The following SGCD variants were observed in gnomAD, a reference collection of about 807,000 sequenced individuals.
SGCD encodes the protein sarcoglycan delta, also known as delta-sarcoglycan.
In SGCD, 18 loss-of-function variants were observed where a neutral mutation model predicts 36.6. The observed-to-expected ratio is 0.49, with a 90% confidence interval of 0.34 to 0.73. The LOEUF is 0.73. Ranked by LOEUF, SGCD falls within the 30% of genes least tolerant of loss-of-function variation. The pLI is 0.01. For synonymous variants in SGCD, 133 were observed against 130.6 expected (o/e 1.02, Z -0.12); for missense variants, 387 against 346.7 (o/e 1.12, Z -0.92).
At chr5:155,889,785 G>T (rs1423149449) in intron 1 of SGCD, among the ~76,000 whole-genome samples, 4 of 152,154 alleles carry the variant, frequency 2.6e-5, no homozygotes, top group Non-Finnish European at 5.9e-5. Flanking sequence ...CGTATTTGGG[G>T]CAACTTGATG....
At chr5:155,952,144 G>A (rs1245690663) in intron 1 of SGCD, among the ~76,000 whole-genome samples, 1 of 152,138 alleles carries the variant, frequency 6.6e-6, no homozygotes, top group Non-Finnish European at 1.5e-5. Context: ...ATCTTGGGGT[G>A]TATAGATTCA....
At chr5:156,357,875 C>T (rs1580868007) in intron 3 of SGCD, among the ~76,000 whole-genome samples, 1 of 152,138 alleles carries the variant, frequency 6.6e-6, no homozygotes, top group Non-Finnish European at 1.5e-5. Context: ...CTATGGTCAA[C>T]CCCCCAACTT....
chr5:156,185,851 A>ATATATAT (rs1429326442), intron 3 of SGCD, among the ~76,000 whole-genome samples: 5 of 2,560 alleles, frequency 2.0e-3, no homozygotes, highest in Admixed American at 8.8e-3. Flanking sequence ...ATATATATAT[A>ATATATAT]GAGAGAGAGA....
chr5:156,682,115 G>A (rs770528808), intron 7 of SGCD, among the ~76,000 whole-genome samples: 2 of 152,076 alleles, frequency 1.3e-5, no homozygotes, highest in Non-Finnish European at 2.9e-5. Flanking sequence ...GAACTGACTT[G>A]GTAAGGATCA....
At chr5:156,484,158 T>C (rs1755559756) in intron 3 of SGCD, among the ~76,000 whole-genome samples, 1 of 152,172 alleles carries the variant, frequency 6.6e-6, no homozygotes, top group Non-Finnish European at 1.5e-5. Flanking sequence ...GTCAACGACA[T>C]TGTCATTAAA....
rs1043235664 is a variant in SGCD, at chr5:156,076,434, G to C, written c.-281-41444G>C. Among the ~76,000 whole-genome samples, 5 of 152,098 alleles carry C rather than the reference G, an allele frequency of 3.3e-5. No individual in the cohort carries two copies. The East Asian group carries it at 9.7e-4, about 29-fold the overall frequency. The stretch of plus-strand genomic sequence containing the variant: ...ATATAAAACCTTACCACCTTGTTCA[G>C]TTCAAAATTAAACCTCTCAGTACAA... On this transcript the variant is annotated intron_variant, in intron 1 of 9. Transcript: ENST00000517913.
rs561318644 is a variant in SGCD at position 156,430,295 on chromosome 5, C to G, written c.193-78306C>G. Among the ~76,000 whole-genome samples, 6 of 152,160 alleles carry G rather than the reference C, an allele frequency of 3.9e-5. No homozygotes were observed. The East Asian group carries it at 7.7e-4, about 20-fold the overall frequency. ...AAATTCTTTATTCTCCTTGTTCTAGCCTACTGTTGAAACTTTCCACTTTAT... is the reference window on the plus strand; with the variant it reads ...AAATTCTTTATTCTCCTTGTTCTAGGCTACTGTTGAAACTTTCCACTTTAT... On this transcript the variant is annotated intron_variant, in intron 3 of 8. Transcript: ENST00000337851.
intron 1 of SGCD, among the ~76,000 whole-genome samples, chr5:156,049,741 A>G (rs1759866829): frequency 6.8e-6 from 1 of 146,726 alleles, no homozygotes; most frequent in African/African-American, 2.5e-5. Context: ...TTTGTGATTC[A>G]TGAAAAGAGG....
At chr5:155,738,376 T>A in the SGCD span, among the ~76,000 whole-genome samples, 1 of 152,226 alleles carries the variant, frequency 6.6e-6, no homozygotes, top group Non-Finnish European at 1.5e-5. Context: ...GTCTTCTGCA[T>A]CCTCCCAAAG....
At chr5:155,996,942 C>CAGAT (rs1296302812) in intron 1 of SGCD, among the ~76,000 whole-genome samples, 2 of 150,618 alleles carry the variant, frequency 1.3e-5, no homozygotes, top group Admixed American at 6.6e-5. Flanking sequence ...GACAGACAGA[C>CAGAT]AGATAGATAG....
intron 3 of SGCD, among the ~76,000 whole-genome samples, chr5:156,281,808 A>G (rs1210053333): frequency 6.6e-6 from 1 of 152,232 alleles, no homozygotes; most frequent in Non-Finnish European, 1.5e-5. Context: ...AAATGATGTC[A>G]TCAACATTTT....
chr5:156,204,503 C>CAA (rs1400002482), intron 3 of SGCD, among the ~76,000 whole-genome samples: 2 of 146,610 alleles, frequency 1.4e-5, no homozygotes, highest in Non-Finnish European at 3.0e-5. Flanking sequence ...CACACACACA[C>CAA]AATATCATGT....
chr5:156,120,965 C>T (rs1316152696), intron 2 of SGCD, among the ~76,000 whole-genome samples: 9 of 152,074 alleles, frequency 5.9e-5, no homozygotes, highest in African/African-American at 1.9e-4. Context: ...CTCAAATTGC[C>T]GGGTACGAGA....
intron 7 of SGCD, among the ~76,000 whole-genome samples, chr5:156,749,132 A>G (rs1757056953): frequency 6.6e-6 from 1 of 152,188 alleles, no homozygotes; most frequent in Non-Finnish European, 1.5e-5. Context: ...TTCAAAAACA[A>G]TGTTCAAAAG....
chr5:156,240,132 T>G (rs975314224), intron 3 of SGCD, among the ~76,000 whole-genome samples: 1 of 152,178 alleles, frequency 6.6e-6, no homozygotes, highest in Non-Finnish European at 1.5e-5. Context: ...AGAGTTTCTT[T>G]TTAACATGGT....
intron 4 of SGCD, among the ~76,000 whole-genome samples, chr5:156,544,637 C>G (rs10071452): frequency 0.3 from 46,100 of 151,344 alleles, 7,234 homozygotes; most frequent in African/African-American, 0.36. Flanking sequence ...AAAACTCACA[C>G]TAGACAAGGA....
chr5:156,653,492 G>GTTTTTTTTTTTTTTTTTTTTTTTTTTTT (rs1561839559), intron 7 of SGCD, among the ~76,000 whole-genome samples: 1 of 5,834 alleles, frequency 1.7e-4, no homozygotes, highest in Admixed American at 2.1e-3. Context: ...TCTAAAGCTT[G>GTTTTTTTTTTTTTTTTTTTTTTTTTTTT]CTTTTTTTTT....
intron 2 of SGCD, among the ~76,000 whole-genome samples, chr5:156,119,413 C>T (rs968564739): frequency 6.6e-6 from 1 of 152,100 alleles, no homozygotes; most frequent in Non-Finnish European, 1.5e-5. Flanking sequence ...AACTCAATTT[C>T]CTTCTATGCA....
intron 3 of SGCD, among the ~76,000 whole-genome samples, chr5:156,185,665 T>G (rs1461166788): frequency 5.3e-5 from 8 of 151,532 alleles, no homozygotes; most frequent in African/African-American, 1.9e-4. Flanking sequence ...GGCATCTGAC[T>G]TTCCCCAAGG....
Sources: gnomAD v4.1 joint callset for allele counts (sites outside exome capture counted in the v4.1 genomes callset) on GRCh38, gnomAD v4.1.1 for gene constraint, MANE v1.5 for transcripts, NCBI Gene and HGNC (gene_info 2026-07-23, HGNC 2026-07-21) for gene names.